The following DMXL1 variants were observed in gnomAD, a reference collection of about 807,000 sequenced individuals.
The protein encoded by DMXL1 is Dmx like 1.
In DMXL1, 99 loss-of-function variants were observed where a neutral mutation model predicts 319.2. The observed-to-expected ratio is 0.31, with a 90% CI of 0.26 to 0.37. DMXL1 has a LOEUF of 0.37. DMXL1 is among the 10% of genes least tolerant of loss of function. The probability of loss-of-function intolerance (pLI) is 1.00; values close to 1 mark genes in which losing one functional copy is unlikely to be tolerated. For synonymous variants in DMXL1, 1,385 were observed against 1,235.2 expected, an observed-to-expected ratio of 1.12 and a Z score of -2.54; for missense variants, 3,745 against 3,595.6, an observed-to-expected ratio of 1.04 and a Z score of -1.06.
chr5:119,105,889 C>T (rs1244894210), intron 4 of DMXL1, among the ~76,000 whole-genome samples: 2 of 140,096 alleles, frequency 1.4e-5, no homozygotes, highest in Non-Finnish European at 3.0e-5. Flanking sequence ...AAGAGTGAAA[C>T]TGTCTCAAAA....
At chr5:119,213,298 T>A (rs1337011898) in intron 34 of DMXL1, among the ~76,000 whole-genome samples, 1 of 152,228 alleles carries the variant, frequency 6.6e-6, no homozygotes, top group Admixed American at 6.5e-5. Flanking sequence ...CTGCTCTGTA[T>A]GCAGATATTT....
intron 2 of DMXL1, 139 bp downstream of exon 2, chr5:119,098,243 T>C: frequency 1.2e-6 from 1 of 857,750 alleles, no homozygotes; most frequent in Non-Finnish European, 1.8e-6. Context: ...TTTTTGGCTG[T>C]CTAAGATGCA....
chr5:119,088,601 C>T (rs530203929), intron 1 of DMXL1, among the ~76,000 whole-genome samples: 1 of 152,172 alleles, frequency 6.6e-6, no homozygotes, highest in Non-Finnish European at 1.5e-5. Flanking sequence ...GTTAAATGCT[C>T]TTCTCTGTTA....
intron 13 of DMXL1, among the ~76,000 whole-genome samples, chr5:119,141,501 A>C (rs563870196): frequency 6.4e-4 from 97 of 152,244 alleles, no homozygotes; most frequent in African/African-American, 2.2e-3. Flanking sequence ...TCCCATTCCC[A>C]ACTGCCACAA....
chr5:119,130,161 A>G (rs1248572724), intron 10 of DMXL1, among the ~76,000 whole-genome samples: 1 of 152,054 alleles, frequency 6.6e-6, no homozygotes, highest in African/African-American at 2.4e-5. Context: ...TCATTAGGTA[A>G]GAAAAATCAA....
In DMXL1 at chr5:119,079,955, A is replaced by G. The variant is rs530909608; in HGVS notation, c.87+8299A>G. Among the ~76,000 whole-genome samples, 7 of 152,270 alleles carry G rather than the reference A, an allele frequency of 4.6e-5. No homozygotes were observed. The East Asian group carries it at 9.6e-4, about 21-fold the overall frequency. Reference sequence around the variant, plus strand: ...TGGTCCTCTTCTCGTTTCATTCTACATGCAGCTCCTGGTGTATAGTCTGTG... The same window carrying G: ...TGGTCCTCTTCTCGTTTCATTCTACGTGCAGCTCCTGGTGTATAGTCTGTG... On this transcript the variant is annotated intron_variant, in intron 1 of 43. Transcript: ENST00000539542.
At chr5:119,213,169 C>G (rs1303630530) in intron 34 of DMXL1, among the ~76,000 whole-genome samples, 1 of 152,068 alleles carries the variant, frequency 6.6e-6, no homozygotes, top group Non-Finnish European at 1.5e-5. Context: ...CATACTTTTT[C>G]CTTGTTTCCT....
intron 1 of DMXL1, among the ~76,000 whole-genome samples, chr5:119,082,243 C>T (rs1040976007): frequency 6.6e-6 from 1 of 152,034 alleles, no homozygotes; most frequent in Non-Finnish European, 1.5e-5. Context: ...TCTTGAGTAG[C>T]TGGGACTACA....
chr5:119,092,281 A>C (rs554463308), intron 1 of DMXL1, among the ~76,000 whole-genome samples: 1 of 151,918 alleles, frequency 6.6e-6, no homozygotes, highest in East Asian at 1.9e-4. Context: ...TTTATTTAAG[A>C]AAAATTCTTT....
chr5:119,189,080 A>G (rs1351443983), intron 28 of DMXL1, among the ~76,000 whole-genome samples: 2 of 152,136 alleles, frequency 1.3e-5, no homozygotes, highest in Admixed American at 1.3e-4. Flanking sequence ...TCTCTTTAGT[A>G]TTCTGAGGTA....
intron 39 of DMXL1, chr5:119,236,574 A>G (rs1396791963): frequency 1.3e-5 from 2 of 152,042 alleles, no homozygotes; most frequent in Non-Finnish European, 2.9e-5. Context: ...GTGTAGTGGT[A>G]TTATTATGAT....
Position 119,148,854 on chromosome 5 carries a change from T to A in DMXL1, c.3027T>A (p.Ser1009=). The change falls in exon 18 of 44, where the codon TCT becomes TCA. Residue 1009 remains serine, a synonymous_variant. Coordinates refer to ENST00000539542, the MANE Select transcript of DMXL1 (RefSeq NM_001290321.3). The stretch of plus-strand genomic sequence containing the variant: ...GATGCAGAGTAACAGATGGAGAATC[T>A]GCCACGTCAAAGAATGGAAAAATTG... ...FWRCRVTDGE[S]ATSKNGKIDL... The A allele has an allele frequency of 6.2e-7, 1 of 1,613,772 alleles. No individual in the cohort carries two copies.
intron 35 of DMXL1, among the ~76,000 whole-genome samples, chr5:119,217,573 A>G (rs976415188): frequency 6.6e-6 from 1 of 152,090 alleles, no homozygotes; most frequent in Non-Finnish European, 1.5e-5. Flanking sequence ...TATGGTTCCT[A>G]ATGACTTCTA....
chr5:119,142,946 A>G (rs1029634181), intron 13 of DMXL1, among the ~76,000 whole-genome samples: 2 of 152,076 alleles, frequency 1.3e-5, no homozygotes, highest in Non-Finnish European at 2.9e-5. Context: ...TTCTTTAAGG[A>G]GGCCATTATC....
Position 119,149,641 on chromosome 5 carries a change from A to G in DMXL1, c.3814A>G (p.Ser1272Gly), listed in dbSNP as rs778263919. The change falls in exon 18 of 44, where the codon AGT becomes GGT. Residue 1272 changes from serine (S) to glycine (G), a missense_variant. Ser to Gly is a moderately conservative substitution (Grantham distance 56). Transcript: ENST00000539542. ...AAGTTTAATAAAACAGAGTAACTCC[A>G]GTTCTGGGTTACATCCTCCAAAGAA... ...ITSLIKQSNS[S>G]SGLHPPKKTL... is the part of the protein sequence containing the mutation. 1 of 1,613,890 alleles carries G rather than the reference A, an allele frequency of 6.2e-7. No homozygotes were observed. Among genetic ancestry groups the G allele is most frequent in the Non-Finnish European group, 8.5e-7 (1 of 1,179,852 alleles).
At chr5:119,143,374 G>A (rs753628636) in intron 13 of DMXL1, among the ~76,000 whole-genome samples, 7 of 152,020 alleles carry the variant, frequency 4.6e-5, no homozygotes, top group Non-Finnish European at 1.0e-4. Flanking sequence ...GATAAAGGAA[G>A]TCTGATAAAG....
In DMXL1 at chr5:119,244,395, C is replaced by T. The variant is rs1373651178; in HGVS notation, c.8741C>T (p.Ala2914Val). ...TCHDSGATVL[A>V]YAPKHQLLIS... Reference sequence around the variant, plus strand: ...CATGACAGTGGAGCCACAGTTTTAGCATATGCTCCAAAACATCAGCTACTA... The same window carrying T: ...CATGACAGTGGAGCCACAGTTTTAGTATATGCTCCAAAACATCAGCTACTA... Residue 2914 changes from alanine (A) to valine (V), a missense_variant, in exon 43 of 44, where the codon GCA (alanine) becomes GTA (valine). Coordinates refer to ENST00000539542, the MANE Select transcript of DMXL1 (RefSeq NM_001290321.3). 1.2e-6 allele frequency: 2 copies of T among 1,613,998 alleles called. No homozygotes were observed. Among genetic ancestry groups the T allele is most frequent in the East Asian group, 2.2e-5 (1 of 44,866 alleles).
chr5:119,080,293 G>C (rs1751911834), intron 1 of DMXL1, among the ~76,000 whole-genome samples: 1 of 152,178 alleles, frequency 6.6e-6, no homozygotes, highest in Admixed American at 6.5e-5. Flanking sequence ...GTTGCAGTGA[G>C]CCAAGATTGT....
rs374487430 is a variant in DMXL1, at chr5:119,071,513, C to T, written c.-57C>T. The T allele has an allele frequency of 5.3e-6, 8 of 1,520,940 alleles. No individual in the cohort carries two copies. The East Asian group carries it at 1.7e-4, about 32-fold the overall frequency. The allele number at this position is 1,520,940 out of a possible 1,614,324, so 94.2% of individuals were successfully genotyped here. A position where few individuals can be genotyped will look rare whatever the true frequency, so the allele number is the denominator to read the frequency against. Reference sequence around the variant, plus strand: ...CTGAGGGAAGGAGGGAGGGAAGCAGCCGCTGACCCGTGGCATGAGCTGGAT... The same window carrying T: ...CTGAGGGAAGGAGGGAGGGAAGCAGTCGCTGACCCGTGGCATGAGCTGGAT... On this transcript the variant is annotated 5_prime_UTR_variant, in exon 1 of 44. Transcript: ENST00000539542.
Sources: gnomAD v4.1 joint callset for allele counts (sites outside exome capture counted in the v4.1 genomes callset) on GRCh38, gnomAD v4.1.1 for gene constraint, MANE v1.5 for transcripts, NCBI Gene and HGNC (gene_info 2026-07-23, HGNC 2026-07-21) for gene names.